Variants in FRY observed in about 807,000 individuals in gnomAD.
FRY encodes FRY microtubule binding protein.
Under a neutral mutation model 348.4 loss-of-function variants are expected in FRY, and 128 were observed. The ratio of observed to expected loss-of-function variants is 0.37; its 90% CI spans 0.32 to 0.43. The LOEUF is 0.43. FRY is among the 20% of genes least tolerant of loss of function. The pLI is 1.00. For synonymous variants in FRY, 1,370 were observed against 1,374.7 expected (o/e 1.00, Z 0.08); for missense variants, 2,736 against 3,695.2 (o/e 0.74, Z 6.73).
At chr13:32,173,052 A>G (rs1882181374) in intron 18 of FRY, among the ~76,000 whole-genome samples, 1 of 152,266 alleles carries the variant, frequency 6.6e-6, no homozygotes, top group Non-Finnish European at 1.5e-5. Context: ...GATTGTATAT[A>G]CAGTGTAATA....
At chr13:32,178,521 T>A in intron 21 of FRY, 85 bp downstream of exon 21, 8 of 1,361,858 alleles carry the variant, frequency 5.9e-6, no homozygotes, top group Non-Finnish European at 8.2e-6. Flanking sequence ...GATTGGGATG[T>A]TATCATCCCA....
At chr13:32,240,801 T>G (rs1035419344) in intron 46 of FRY, among the ~76,000 whole-genome samples, 3 of 152,220 alleles carry the variant, frequency 2.0e-5, no homozygotes, top group African/African-American at 7.2e-5. Flanking sequence ...GGACAATCTA[T>G]CCTAGTTTTT....
intron 1 of FRY, among the ~76,000 whole-genome samples, chr13:32,059,458 CAAA>C (rs10692049): frequency 0.026 from 2,889 of 111,384 alleles, 111 homozygotes; most frequent in African/African-American, 0.09. Flanking sequence ...ACTTAGGAAG[CAAA>C]AAAAAAAAAA....
chr13:32,247,688 T>C (rs1057026107), intron 48 of FRY, among the ~76,000 whole-genome samples, 186 bp downstream of exon 48: 1 of 152,264 alleles, frequency 6.6e-6, no homozygotes, highest in Non-Finnish European at 1.5e-5. Flanking sequence ...GGACTCTCAG[T>C]TGGCAGCTTT....
At chr13:32,174,746 G>A (rs1228372128) in intron 19 of FRY, among the ~76,000 whole-genome samples, 1 of 151,982 alleles carries the variant, frequency 6.6e-6, no homozygotes, top group Non-Finnish European at 1.5e-5. Context: ...TTAAACCACT[G>A]TCATTCACAC....
intron 17 of FRY, among the ~76,000 whole-genome samples, chr13:32,166,016 G>A (rs1463919621): frequency 6.6e-6 from 1 of 152,194 alleles, no homozygotes; most frequent in African/African-American, 2.4e-5. Flanking sequence ...CGTGGCCTGT[G>A]CAGAATACAG....
At chr13:32,249,755 C>A in intron 49 of FRY, 68 bp downstream of exon 49, 2 of 1,397,662 alleles carry the variant, frequency 1.4e-6, no homozygotes, top group South Asian at 2.4e-5. Flanking sequence ...GTGGCTGGGT[C>A]ATAAGGGATT....
At chr13:32,285,938 G>A (rs1889022337) in intron 58 of FRY, among the ~76,000 whole-genome samples, 1 of 152,176 alleles carries the variant, frequency 6.6e-6, no homozygotes, top group Non-Finnish European at 1.5e-5. Context: ...CTGAAGCTGT[G>A]TAGTCTCCAC....
Position 32,209,584 on chromosome 13 carries a change from G to C in FRY, c.4276-1G>C. On this transcript the variant is annotated splice_acceptor_variant, in intron 32 of 60. Transcript: ENST00000542859. LOFTEE classifies it high-confidence loss of function. ...TTGGGCCGGTTTTTATTTTGTTATA[G>C]TATGGAGATGAAGTTCCTGGGCCAG... is the stretch of plus-strand genomic sequence containing the variant. 6.2e-7 allele frequency: 1 copy of C among 1,613,994 alleles called. No homozygotes were observed. The highest frequency in any genetic ancestry group is 8.5e-7 in the Non-Finnish European group (1 of 1,179,914).
chr13:32,039,834 G>A (rs771564951), intron 1 of FRY, among the ~76,000 whole-genome samples: 5 of 152,178 alleles, frequency 3.3e-5, no homozygotes, highest in Non-Finnish European at 5.9e-5. Flanking sequence ...CAATTTAAGA[G>A]AGTTGAAATC....
chr13:32,288,525 AT>A (rs1889182917), intron 58 of FRY, among the ~76,000 whole-genome samples: 3 of 152,236 alleles, frequency 2.0e-5, no homozygotes, highest in African/African-American at 4.8e-5. Context: ...AAGTCTGTTA[AT>A]AATACCAATA....
chr13:32,037,868 TG>T (rs1385184968), intron 1 of FRY, among the ~76,000 whole-genome samples: 1 of 152,234 alleles, frequency 6.6e-6, no homozygotes, highest in Non-Finnish European at 1.5e-5. Flanking sequence ...CTGAGTCTTA[TG>T]TGATATTAAC....
chr13:32,178,336 C>A lies in FRY; in HGVS notation c.2581C>A (p.Arg861=), dbSNP rs772657959. 1.2e-6 allele frequency: 2 copies of A among 1,614,192 alleles called. No homozygotes were observed. The highest frequency in any genetic ancestry group is 2.2e-5 in the East Asian group (1 of 44,880). Residue 861 remains arginine, a synonymous_variant, in exon 21 of 61, where the codon CGG becomes AGG. Coordinates refer to ENST00000542859, the MANE Select transcript of FRY (RefSeq NM_023037.3). ...PWVLCLFSFL[R]QENLPKHCPT... ...GGTCCTCTGCCTCTTCAGCTTCCTCCGGCAGGAGAACTTACCCAAGCACTG... is the reference window on the plus strand; with the variant it reads ...GGTCCTCTGCCTCTTCAGCTTCCTCAGGCAGGAGAACTTACCCAAGCACTG...
intron 3 of FRY, among the ~76,000 whole-genome samples, chr13:32,112,497 TAG>T (rs1372031630): frequency 6.6e-6 from 1 of 152,136 alleles, no homozygotes; most frequent in Non-Finnish European, 1.5e-5. Context: ...TCCCATACAC[TAG>T]AGAAACTATG....
chr13:32,062,508 A>G (rs1874003559), intron 1 of FRY, among the ~76,000 whole-genome samples: 1 of 152,148 alleles, frequency 6.6e-6, no homozygotes, highest in Non-Finnish European at 1.5e-5. Context: ...GAAACAACTA[A>G]TCTGCTTCTG....
intron 29 of FRY, among the ~76,000 whole-genome samples, chr13:32,195,433 C>G (rs1883615450): frequency 6.6e-6 from 1 of 152,060 alleles, no homozygotes; most frequent in Non-Finnish European, 1.5e-5. Flanking sequence ...TTTCAACATT[C>G]TAAAAATAAA....
chr13:32,205,202 CAAAA>C (rs35930899), intron 31 of FRY, among the ~76,000 whole-genome samples: 1 of 77,862 alleles, frequency 1.3e-5, no homozygotes, highest in Non-Finnish European at 2.4e-5. Context: ...GACTCTGTCT[CAAAA>C]AAAAAAAAAA....
intron 5 of FRY, 95 bp downstream of exon 5, chr13:32,124,471 A>T: frequency 1.1e-6 from 1 of 879,786 alleles, no homozygotes; most frequent in South Asian, 1.5e-5. Context: ...TTATTTCTGA[A>T]TTCCAAATAC....
At chr13:32,240,367 T>C (rs1886436430) in intron 46 of FRY, among the ~76,000 whole-genome samples, 3 of 152,252 alleles carry the variant, frequency 2.0e-5, no homozygotes, top group Admixed American at 2.0e-4. Flanking sequence ...ATTTTTATCC[T>C]AATTACGCTG....
Sources: gnomAD v4.1 joint callset for allele counts (sites outside exome capture counted in the v4.1 genomes callset) on GRCh38, gnomAD v4.1.1 for gene constraint, MANE v1.5 for transcripts, NCBI Gene and HGNC (gene_info 2026-07-23, HGNC 2026-07-21) for gene names.